TMEM243: variants seen among roughly 807,000 people sequenced by gnomAD.
The protein encoded by TMEM243 is transmembrane protein 243, also known as MDR1 and mitochondrial taxol resistance associated.
TMEM243 carries 20 observed loss-of-function variants against 15.0 expected under a neutral mutation model. The observed-to-expected ratio is 1.33, with a 90% CI of 0.94 to 1.93. The LOEUF is 1.93. Among genes scored for constraint, TMEM243 ranks in the 30% most tolerant of loss-of-function variants. The probability of loss-of-function intolerance (pLI) is 0.00; values close to 1 mark genes in which losing one functional copy is unlikely to be tolerated. For missense variants in TMEM243, 156 were observed against 142.1 expected (o/e 1.10, Z -0.50); for synonymous variants, 72 against 52.7 (o/e 1.37, Z -1.59).
chr7:87,207,418 AC>A lies in TMEM243; in HGVS notation c.79-8362del, dbSNP rs1310418638. ...AGACCATCCTGGCTAACACGGTGAAACCCCGTCTCTACTAAAAATACAAAAA... is the reference window on the plus strand; with the variant it reads ...AGACCATCCTGGCTAACACGGTGAAACCCGTCTCTACTAAAAATACAAAAA... On this transcript the variant is annotated intron_variant, in intron 1 of 3. Transcript: ENST00000257637. 4.8e-5 allele frequency among the ~76,000 whole-genome samples: 2 copies of A among 41,802 alleles called. 1 individual carries two copies. Among genetic ancestry groups the A allele is most frequent in the Non-Finnish European group, 1.2e-4 (2 of 16,268 alleles). The allele number at this position is 41,802 out of a possible 152,430, so 27.4% of individuals were successfully genotyped here. A position where few individuals can be genotyped will look rare whatever the true frequency, so the allele number is the denominator to read the frequency against.
At chr7:87,213,762 TC>T (rs1802920024) in intron 1 of TMEM243, among the ~76,000 whole-genome samples, 1 of 144,894 alleles carries the variant, frequency 6.9e-6, no homozygotes, top group African/African-American at 2.6e-5. Flanking sequence ...CCCTTGCTTT[TC>T]ACCGTCTTTG....
intron 1 of TMEM243, among the ~76,000 whole-genome samples, chr7:87,203,569 C>CA (rs1344250408): frequency 6.7e-6 from 1 of 150,362 alleles, no homozygotes; most frequent in African/African-American, 2.5e-5. Flanking sequence ...GAGCAAGGAT[C>CA]ACGCCACTGC....
At chr7:87,200,702 T>C (rs1011635883) in intron 1 of TMEM243, among the ~76,000 whole-genome samples, 1 of 152,216 alleles carries the variant, frequency 6.6e-6, no homozygotes, top group Admixed American at 6.5e-5. Context: ...AATGGTAATA[T>C]GACTGTTTCA....
chr7:87,199,055 A>G lies in TMEM243; in HGVS notation c.81T>C (p.Asp27=). 6.2e-7 allele frequency: 1 copy of G among 1,605,542 alleles called. No homozygotes were observed. The highest frequency in any genetic ancestry group is 1.1e-5 in the South Asian group (1 of 89,488). The part of the protein sequence containing the change: ...RPLFGETSAK[D]RIINLVVGSL... ...TGCCAACAACTAAATTGATGATTCG[A>G]TCCTGAAAGAGAAAAGAATTTTTAA... is the stretch of plus-strand genomic sequence containing the variant. Residue 27 remains aspartate (D), a splice_region_variant and synonymous_variant, in exon 2 of 4, where the codon GAT becomes GAC. Transcript: ENST00000257637.
intron 1 of TMEM243, among the ~76,000 whole-genome samples, chr7:87,211,853 C>T (rs11971353): frequency 5.3e-5 from 8 of 152,230 alleles, no homozygotes; most frequent in East Asian, 1.9e-4. Context: ...TCTAGGACGC[C>T]GCGAATTATG....
chr7:87,210,820 C>A (rs2129234748), intron 1 of TMEM243, among the ~76,000 whole-genome samples: 1 of 152,360 alleles, frequency 6.6e-6, no homozygotes, highest in Admixed American at 6.5e-5. Flanking sequence ...CAGCAGACTT[C>A]TGGACATCCA....
At chr7:87,214,898 A>G (rs1802996861) in intron 1 of TMEM243, among the ~76,000 whole-genome samples, 1 of 152,182 alleles carries the variant, frequency 6.6e-6, no homozygotes, top group Non-Finnish European at 1.5e-5. Flanking sequence ...CCTGGAAGAC[A>G]ATTTTATATT....
At chr7:87,206,406 A>G (rs138038820) in intron 1 of TMEM243, among the ~76,000 whole-genome samples, 59 of 152,354 alleles carry the variant, frequency 3.9e-4, no homozygotes, top group Middle Eastern at 6.8e-3. Flanking sequence ...CTTGTGTCCC[A>G]CACTGGCATT....
chr7:87,203,033 TG>T (rs1801932589), intron 1 of TMEM243: 1 of 152,410 alleles, frequency 6.6e-6, no homozygotes, highest in South Asian at 2.1e-4. Flanking sequence ...ACAATGGCCC[TG>T]GGAGGAAACT....
chr7:87,197,633 G>C (rs1306966803), intron 3 of TMEM243: 18 of 988,474 alleles, frequency 1.8e-5, no homozygotes, highest in Non-Finnish European at 2.4e-5. Flanking sequence ...CGTAGTCCTT[G>C]AGTGAAGATG....
chr7:87,208,880 G>A (rs1039289696), intron 1 of TMEM243, among the ~76,000 whole-genome samples: 1 of 152,242 alleles, frequency 6.6e-6, no homozygotes, highest in Non-Finnish European at 1.5e-5. Context: ...TTGTACAAAG[G>A]TGCCACCGTA....
upstream of TMEM243, chr7:87,219,776 C>G (rs374705797): frequency 1.3e-5 from 6 of 469,132 alleles, no homozygotes; most frequent in South Asian, 7.9e-5. Context: ...GCGGGACGCC[C>G]CCGCCCGGGC....
In TMEM243 at chr7:87,202,529, C is replaced by A. The variant is rs575923841; in HGVS notation, c.79-3472G>T. On this transcript the variant is annotated intron_variant, in intron 1 of 3. Coordinates refer to ENST00000257637, the MANE Select transcript of TMEM243 (RefSeq NM_024315.4). ...GAGAAAAAGATGGAGATATATGCAA[C>A]TGGTTTGTATCTGGAATGGTGGAAA... 1.8e-4 allele frequency among the ~76,000 whole-genome samples: 28 copies of A among 152,276 alleles called. No individual in the cohort carries two copies. In the South Asian group the frequency reaches 5.8e-3, roughly 32 times the overall value.
upstream of TMEM243, chr7:87,219,814 T>G: frequency 2.6e-6 from 1 of 389,436 alleles, no homozygotes; most frequent in East Asian, 5.5e-5. Context: ...ATCTCAGCCC[T>G]TGGCGCCGCG....
intron 1 of TMEM243, among the ~76,000 whole-genome samples, chr7:87,209,813 T>A (rs1483432257): frequency 2.6e-4 from 15 of 58,098 alleles, no homozygotes; most frequent in South Asian, 1.1e-3. Context: ...CGAGAGACAG[T>A]GAGAGAGCGA....
upstream of TMEM243, chr7:87,220,458 C>A (rs1351793740): frequency 1.3e-5 from 2 of 152,282 alleles, no homozygotes; most frequent in Admixed American, 6.5e-5. Context: ...GGTGCCGAGG[C>A]CCAGGAACGC....
At chr7:87,209,764 G>GAGAGCGAGAC (rs148818749) in intron 1 of TMEM243, among the ~76,000 whole-genome samples, 5 of 117,564 alleles carry the variant, frequency 4.3e-5, no homozygotes, top group Non-Finnish European at 5.6e-5. Flanking sequence ...GCGAGACAGT[G>GAGAGCGAGAC]AGAGCGAGAC....
At chr7:87,197,234 T>C (rs1024908647) in intron 3 of TMEM243, among the ~76,000 whole-genome samples, 1 of 152,100 alleles carries the variant, frequency 6.6e-6, no homozygotes, top group Non-Finnish European at 1.5e-5. Context: ...CTTCGGGTCA[T>C]GGGAGTATAT....
chr7:87,200,086 C>T (rs1801674310), intron 1 of TMEM243, among the ~76,000 whole-genome samples: 1 of 152,066 alleles, frequency 6.6e-6, no homozygotes. Flanking sequence ...TCCAAGTAGT[C>T]GCCTTTTAAG....
Sources: allele counts gnomAD v4.1 joint callset (sites outside exome capture counted in the v4.1 genomes callset), GRCh38; gene constraint gnomAD v4.1.1; transcripts MANE v1.5; gene names NCBI Gene and HGNC (gene_info 2026-07-23, HGNC 2026-07-21).